Variants in PTPRN2 observed in about 807,000 individuals in gnomAD.
PTPRN2 encodes the protein protein tyrosine phosphatase receptor type N2, also known as receptor-type tyrosine-protein phosphatase N2.
PTPRN2 carries 74 observed loss-of-function variants against 118.8 expected under a neutral mutation model. The ratio of observed to expected loss-of-function variants is 0.62; its 90% CI spans 0.52 to 0.76. The LOEUF (loss-of-function observed/expected upper bound fraction) is 0.76. Ranked by LOEUF, PTPRN2 falls within the 30% of genes least tolerant of loss-of-function variation. The pLI, the probability that PTPRN2 is intolerant of heterozygous loss-of-function variation, is 0.00. For synonymous variants in PTPRN2, 641 were observed against 608.0 expected (o/e 1.05, Z -0.80); for missense variants, 1,481 against 1,394.4 (o/e 1.06, Z -0.99).
chr7:158,334,569 C>T (rs866349628), intron 2 of PTPRN2, among the ~76,000 whole-genome samples: 3 of 106,124 alleles, frequency 2.8e-5, no homozygotes, highest in Non-Finnish European at 4.3e-5. Context: ...TAAGAGCTCT[C>T]GCCCACAGAG....
At chr7:158,080,579 T>TA (rs372522598) in intron 11 of PTPRN2, among the ~76,000 whole-genome samples, 84,841 of 141,764 alleles carry the variant, frequency 0.6, 25,530 homozygotes, top group East Asian at 0.86. Flanking sequence ...TCAACAAGTT[T>TA]AAAAAAAAAA....
At chr7:158,190,449 C>T (rs1260599339) in intron 5 of PTPRN2, among the ~76,000 whole-genome samples, 6 of 152,248 alleles carry the variant, frequency 3.9e-5, no homozygotes, top group South Asian at 2.1e-4. Flanking sequence ...CACAGAGAGA[C>T]TCCCACAGGC....
In PTPRN2 at chr7:158,425,311, C is replaced by G. The variant is rs62479979; in HGVS notation, c.163+64424G>C. On this transcript the variant is annotated intron_variant, in intron 2 of 22. Coordinates refer to ENST00000389418, the MANE Select transcript of PTPRN2 (RefSeq NM_002847.5). ...AGGCCTGCGCACCGCCGGGAAAGACCCAGAGTCCGAGACCAGCCTAGCTGA... is the reference window on the plus strand; with the variant it reads ...AGGCCTGCGCACCGCCGGGAAAGACGCAGAGTCCGAGACCAGCCTAGCTGA... Among the ~76,000 whole-genome samples, 21 of 9,794 alleles carry G rather than the reference C, an allele frequency of 2.1e-3. 3 individuals are homozygous for G. The highest frequency in any genetic ancestry group is 8.6e-3 in the East Asian group (3 of 350). 6.4% of individuals were successfully genotyped at this position (9,794 alleles called of 152,430 possible).
chr7:158,087,726 C>A (rs1231853333), intron 10 of PTPRN2, among the ~76,000 whole-genome samples: 3 of 106,802 alleles, frequency 2.8e-5, no homozygotes, highest in African/African-American at 9.5e-5. Context: ...TTCACACAAA[C>A]CTTCTTCCCT....
chr7:158,052,006 A>C (rs1045474932), intron 11 of PTPRN2, among the ~76,000 whole-genome samples: 1 of 152,210 alleles, frequency 6.6e-6, no homozygotes, highest in African/African-American at 2.4e-5. Flanking sequence ...TTGTCTCTGA[A>C]GGGAGGCCAT....
intron 2 of PTPRN2, among the ~76,000 whole-genome samples, chr7:158,327,890 G>T (rs913293852): frequency 1.3e-5 from 2 of 152,176 alleles, no homozygotes; most frequent in Non-Finnish European, 2.9e-5. Flanking sequence ...GCTTCTCAAA[G>T]CAGCACCACA....
At chr7:158,105,077 C>T (rs762759713) in intron 10 of PTPRN2, among the ~76,000 whole-genome samples, 6 of 150,910 alleles carry the variant, frequency 4.0e-5, no homozygotes, top group Non-Finnish European at 8.9e-5. Context: ...AAACTCCATC[C>T]CAGCTCCATC....
intron 12 of PTPRN2, among the ~76,000 whole-genome samples, chr7:157,776,830 CCCTCTCTTCCTCCT>C (rs1803339552): frequency 6.4e-5 from 4 of 62,524 alleles, no homozygotes; most frequent in African/African-American, 2.4e-4. Flanking sequence ...TCCCTCTCCT[CCCTCTCTTCCTCCT>C]CCCTCTCCTC....
Position 158,509,268 on chromosome 7 carries a change from T to C in PTPRN2, c.113-19483A>G, listed in dbSNP as rs1823007819. On this transcript the variant is annotated intron_variant, in intron 1 of 22. Coordinates refer to ENST00000389418, the MANE Select transcript of PTPRN2 (RefSeq NM_002847.5). The surrounding 1 kb of genome is among the most constrained non-coding windows in gnomAD (Gnocchi z 4.4). ...CAAATGCACCATCCACTTCCTTTCC[T>C]TGCCGGCCCGTCAGTCACAGCATCG... Among the ~76,000 whole-genome samples the C allele has an allele frequency of 6.6e-6, 1 of 152,202 alleles. No homozygotes were observed. Among genetic ancestry groups the C allele is most frequent in the South Asian group, 2.1e-4 (1 of 4,832 alleles).
At chr7:158,177,831 T>TA (rs1261795717) in intron 5 of PTPRN2, among the ~76,000 whole-genome samples, 1 of 152,266 alleles carries the variant, frequency 6.6e-6, no homozygotes, top group African/African-American at 2.4e-5. Flanking sequence ...ACCATGAAGA[T>TA]ACGTGTGTAA....
rs1044231025 is a variant in PTPRN2, at chr7:158,158,527, CTGAG to C, written c.910+8400_910+8403del. ...TTGGCCAGGACTTCGCAAGTGCTTT[CTGAG>C]TGAATGAGTGAACTCAGGAGAATCA... is the stretch of plus-strand genomic sequence containing the variant. On this transcript the variant is annotated intron_variant, in intron 6 of 22. Transcript: ENST00000389418. Among the ~76,000 whole-genome samples the C allele has an allele frequency of 2.0e-5, 3 of 151,348 alleles. 1 individual carries two copies. Among genetic ancestry groups the C allele is most frequent in the Non-Finnish European group, 4.4e-5 (3 of 67,780 alleles).
rs1227021003 is a variant in PTPRN2, at chr7:157,764,384, A to C, written c.1789-81447T>G. Among the ~76,000 whole-genome samples the C allele has an allele frequency of 6.6e-6, 1 of 152,242 alleles. No homozygotes were observed. Among genetic ancestry groups the C allele is most frequent in the Non-Finnish European group, 1.5e-5 (1 of 68,044 alleles). ...TCATGTGGTCCACCCACACATGGGAATATTACTCAGCACTGAAAAGGCAGA... is the reference window on the plus strand; with the variant it reads ...TCATGTGGTCCACCCACACATGGGACTATTACTCAGCACTGAAAAGGCAGA... On this transcript the variant is annotated intron_variant, in intron 12 of 22. Coordinates refer to ENST00000389418, the MANE Select transcript of PTPRN2 (RefSeq NM_002847.5). The surrounding 1 kb of genome is among the most constrained non-coding windows in gnomAD (Gnocchi z 4.5).
chr7:158,121,814 G>C (rs1348130962), intron 9 of PTPRN2, among the ~76,000 whole-genome samples: 1 of 152,228 alleles, frequency 6.6e-6, no homozygotes, highest in Non-Finnish European at 1.5e-5. Context: ...TCCTTCCTCA[G>C]CCTGGCAAGG....
chr7:158,490,199 G>A (rs1414707944), intron 1 of PTPRN2, among the ~76,000 whole-genome samples: 1 of 152,258 alleles, frequency 6.6e-6, no homozygotes, highest in Non-Finnish European at 1.5e-5. Flanking sequence ...GGGCGCCGGG[G>A]AGCGGAGGCT....
chr7:157,548,659 G>A (rs1038304420), intron 22 of PTPRN2, among the ~76,000 whole-genome samples: 3 of 152,104 alleles, frequency 2.0e-5, no homozygotes, highest in African/African-American at 4.8e-5. Context: ...AAAATGCAGC[G>A]TTCTCCCCCC....
intron 13 of PTPRN2, among the ~76,000 whole-genome samples, chr7:157,660,119 G>C (rs1795818713): frequency 6.6e-6 from 1 of 152,130 alleles, no homozygotes; most frequent in African/African-American, 2.4e-5. Context: ...AAATGTTTCT[G>C]AAGTAACTTC....
intron 10 of PTPRN2, among the ~76,000 whole-genome samples, chr7:158,095,176 G>C (rs948197370): frequency 1.3e-5 from 2 of 151,674 alleles, no homozygotes; most frequent in Non-Finnish European, 2.9e-5. Flanking sequence ...CAGCTCATGC[G>C]CAACGTCTCT....
chr7:158,289,553 T>TA (rs1427753436), intron 3 of PTPRN2, among the ~76,000 whole-genome samples: 1 of 152,248 alleles, frequency 6.6e-6, no homozygotes, highest in African/African-American at 2.4e-5. Flanking sequence ...TGCAGTCATT[T>TA]ACTGTTTTCC....
rs529572266 is a variant in PTPRN2, at chr7:157,766,075, C to T, written c.1789-83138G>A. On this transcript the variant is annotated intron_variant, in intron 12 of 22. Coordinates refer to ENST00000389418, the MANE Select transcript of PTPRN2 (RefSeq NM_002847.5). ...TCCTCCATCCATCCATCCATCTATC[C>T]GCCCACCCATCCATCATCCATTCTT... Among the ~76,000 whole-genome samples the T allele has an allele frequency of 1.7e-3, 255 of 150,476 alleles. 2 individuals carry two copies. The highest frequency in any genetic ancestry group is 6.0e-3 in the African/African-American group (245 of 40,842).
Sources: allele counts gnomAD v4.1 joint callset (sites outside exome capture counted in the v4.1 genomes callset), GRCh38; gene constraint gnomAD v4.1.1; non-coding constraint Gnocchi (gnomAD v3.1); transcripts MANE v1.5; gene names NCBI Gene and HGNC (gene_info 2026-07-23, HGNC 2026-07-21).